Variants in ZC3H4 observed in about 807,000 individuals in gnomAD.
The protein encoded by ZC3H4 is zinc finger CCCH domain-containing protein 4.
Under a neutral mutation model 108.3 loss-of-function variants are expected in ZC3H4, and 13 were observed. That is an observed-to-expected ratio of 0.12 (90% CI 0.08 to 0.19). The LOEUF (loss-of-function observed/expected upper bound fraction) is 0.19. ZC3H4 is among the 10% of genes least tolerant of loss of function. ZC3H4 has a pLI of 1.00. For synonymous variants in ZC3H4, 917 were observed against 749.6 expected (o/e 1.22, Z -3.65); for missense variants, 1,734 against 1,838.8 (o/e 0.94, Z 1.04).
rs1427726483 is a variant in ZC3H4 at position 47,067,631 on chromosome 19, C to A, written c.2637G>T (p.Gly879=). The part of the protein sequence containing the change: ...RLTRHVEASG[G]SGPGDSGPSD... Reference sequence around the variant, plus strand: ...AGGGTCCCGAATCACCTGGGCCAGACCCGCCAGAAGCCTCCACATGGCGGG... The same window carrying A: ...AGGGTCCCGAATCACCTGGGCCAGAACCGCCAGAAGCCTCCACATGGCGGG... Residue 879 remains glycine (G), a synonymous_variant, in exon 15 of 15, where the codon GGG becomes GGT. Coordinates refer to ENST00000253048, the MANE Select transcript of ZC3H4 (RefSeq NM_015168.2). This position sits in a 1 kb window ranked among gnomAD's most constrained non-coding sequence, Gnocchi z 6.4. 1 of 1,604,976 alleles carries A rather than the reference C, an allele frequency of 6.2e-7. No homozygotes were observed. The highest frequency in any genetic ancestry group is 1.1e-5 in the South Asian group (1 of 90,496).
In ZC3H4 at chr19:47,066,210, A is replaced by C. The variant is rs2057190574; in HGVS notation, c.*146T>G. 1 of 630,078 alleles carries C rather than the reference A, an allele frequency of 1.6e-6. No individual in the cohort carries two copies. Among genetic ancestry groups the C allele is most frequent in the African/African-American group, 1.9e-5 (1 of 52,506 alleles). The allele number at this position is 630,078 out of a possible 1,614,324, so 39.0% of individuals were successfully genotyped here. A position where few individuals can be genotyped will look rare whatever the true frequency, so the allele number is the denominator to read the frequency against. On this transcript the variant is annotated 3_prime_UTR_variant, in exon 15 of 15. Coordinates refer to ENST00000253048, the MANE Select transcript of ZC3H4 (RefSeq NM_015168.2). ...TCAAAGAAAGTACTACTTTAAAAAA[A>C]AATAAAAGAGACGGAAAGCAAAAGA...
chr19:47,110,210 G>A (rs1460494654), intron 2 of ZC3H4, among the ~76,000 whole-genome samples: 2 of 152,070 alleles, frequency 1.3e-5, no homozygotes, highest in Non-Finnish European at 2.9e-5. Flanking sequence ...AATCTTTTTT[G>A]GGGAGTGGGG....
At chr19:47,100,556 G>A (rs962929129) in intron 2 of ZC3H4, among the ~76,000 whole-genome samples, 2 of 151,692 alleles carry the variant, frequency 1.3e-5, no homozygotes, top group Admixed American at 1.3e-4. Flanking sequence ...TCTACCCACT[G>A]CTGGCATCTA....
chr19:47,079,085 A>G (rs1390757843), intron 11 of ZC3H4, among the ~76,000 whole-genome samples: 1 of 146,590 alleles, frequency 6.8e-6, no homozygotes, highest in African/African-American at 2.5e-5. Context: ...GCTGGAGTGC[A>G]ATGGCACGAT....
At chr19:47,085,456 G>A in intron 6 of ZC3H4, 42 bp from the exon 7 acceptor site, 1 of 1,492,646 alleles carries the variant, frequency 6.7e-7, no homozygotes, top group East Asian at 2.3e-5. Flanking sequence ...GTCAGGTAGG[G>A]AACAATGAAC....
At chr19:47,096,458 CAT>C (rs1004938780) in intron 2 of ZC3H4, among the ~76,000 whole-genome samples, 1 of 152,366 alleles carries the variant, frequency 6.6e-6, no homozygotes, top group African/African-American at 2.4e-5. Flanking sequence ...AAAAGGGCCA[CAT>C]GACTGGGAAA....
Position 47,094,721 on chromosome 19 carries a change from T to C in ZC3H4, c.162-113A>G, listed in dbSNP as rs149078230. Reference sequence around the variant, plus strand: ...GAAGGCCTGACTGCTGTGAGCGAAGTGAGACCCTGGGAGGACATGGGGGCC... The same window carrying C: ...GAAGGCCTGACTGCTGTGAGCGAAGCGAGACCCTGGGAGGACATGGGGGCC... On this transcript the variant is annotated intron_variant, in intron 2 of 14. Coordinates refer to ENST00000253048, the MANE Select transcript of ZC3H4 (RefSeq NM_015168.2). 464 of 1,079,006 alleles carry C rather than the reference T, an allele frequency of 4.3e-4. 6 individuals are homozygous for C. In the East Asian group the frequency reaches 0.011, roughly 26 times the overall value. The allele number at this position is 1,079,006 out of a possible 1,614,324, so 66.8% of individuals were successfully genotyped here.
At chr19:47,085,553 C>A (rs956044644) in intron 6 of ZC3H4, 139 bp from the exon 7 acceptor site, 2 of 727,958 alleles carry the variant, frequency 2.7e-6, no homozygotes, top group Non-Finnish European at 4.3e-6. Context: ...CACAGCCTGA[C>A]GACAGGTGGT....
intron 4 of ZC3H4, 62 bp downstream of exon 4, chr19:47,093,908 G>GA: frequency 6.8e-7 from 1 of 1,459,956 alleles, no homozygotes; most frequent in Non-Finnish European, 9.5e-7. Flanking sequence ...AAGTGCTCAA[G>GA]AAACACAAGC....
At chr19:47,097,034 C>T (rs1008664564) in intron 2 of ZC3H4, 4 of 976,354 alleles carry the variant, frequency 4.1e-6, no homozygotes, top group Non-Finnish European at 4.9e-6. Context: ...CTAACACCTG[C>T]GGGCAGAGGA....
chr19:47,096,240 G>A (rs959960476), intron 2 of ZC3H4, among the ~76,000 whole-genome samples: 9 of 152,220 alleles, frequency 5.9e-5, no homozygotes, highest in Non-Finnish European at 8.8e-5. Context: ...ACAGAATGCA[G>A]GACACAAAAC....
At chr19:47,069,503 C>T (rs1327139304) in intron 13 of ZC3H4, among the ~76,000 whole-genome samples, 160 bp from the exon 14 acceptor site, 1 of 152,172 alleles carries the variant, frequency 6.6e-6, no homozygotes, top group Non-Finnish European at 1.5e-5. Flanking sequence ...ACAGAGCGGC[C>T]CATGGGTAGC....
At chr19:47,075,116 G>C (rs919425963) in intron 11 of ZC3H4, among the ~76,000 whole-genome samples, 1 of 152,116 alleles carries the variant, frequency 6.6e-6, no homozygotes. Context: ...AATGGTATCT[G>C]GACCCTGGAA....
Position 47,112,503 on chromosome 19 carries a change from A to C in ZC3H4, c.82T>G (p.Ser28Ala), listed in dbSNP as rs1230558260. The C allele has an allele frequency of 4.5e-6, 5 of 1,123,458 alleles. No homozygotes were observed. In the African/African-American group the frequency reaches 8.1e-5, roughly 18 times the overall value. 69.6% of individuals were successfully genotyped at this position (1,123,458 alleles called of 1,614,324 possible). ...PPSPPPPSTP[S>A]PPPCSPDARP... is the part of the protein sequence containing the mutation. Reference sequence around the variant, plus strand: ...GCGTCGGGGGAACACGGAGGAGGCGAAGGCGTTGATGGCGGCGGCGGCGAT... The same window carrying C: ...GCGTCGGGGGAACACGGAGGAGGCGCAGGCGTTGATGGCGGCGGCGGCGAT... The change falls in exon 2 of 15, where the codon TCG becomes GCG. Residue 28 changes from serine (S) to alanine (A), a missense_variant. By Grantham distance (99) the Ser-to-Ala change is moderately conservative (BLOSUM62 1). Transcript: ENST00000253048.
At chr19:47,111,344 G>T (rs2058036363) in intron 2 of ZC3H4, among the ~76,000 whole-genome samples, 1 of 152,234 alleles carries the variant, frequency 6.6e-6, no homozygotes, top group Non-Finnish European at 1.5e-5. Flanking sequence ...GCCAGCCAGA[G>T]AAGGGCGTGG....
At chr19:47,078,171 A>G (rs1000833983) in intron 11 of ZC3H4, among the ~76,000 whole-genome samples, 63 of 152,202 alleles carry the variant, frequency 4.1e-4, no homozygotes, top group African/African-American at 1.4e-3. Flanking sequence ...TATTTTTTTC[A>G]TTATTTTTTA....
intron 6 of ZC3H4, among the ~76,000 whole-genome samples, chr19:47,085,973 C>T (rs2057614101): frequency 6.6e-6 from 1 of 152,136 alleles, no homozygotes; most frequent in African/African-American, 2.4e-5. Flanking sequence ...AAGTGATTCT[C>T]CTGCCTCAGA....
At chr19:47,070,889 T>C (rs1035528765) in intron 13 of ZC3H4, among the ~76,000 whole-genome samples, 4 of 151,952 alleles carry the variant, frequency 2.6e-5, no homozygotes, top group Admixed American at 2.6e-4. Context: ...CGGCACCGTG[T>C]CCAAACCTCG....
At chr19:47,092,477 G>C (rs1371534230) in intron 4 of ZC3H4, among the ~76,000 whole-genome samples, 1 of 152,204 alleles carries the variant, frequency 6.6e-6, no homozygotes, top group East Asian at 1.9e-4. Context: ...ATGATGCTGG[G>C]TCATGGGATA....
Sources: allele counts gnomAD v4.1 joint callset (sites outside exome capture counted in the v4.1 genomes callset), GRCh38; gene constraint gnomAD v4.1.1; non-coding constraint Gnocchi (gnomAD v3.1); transcripts MANE v1.5; gene names NCBI Gene and HGNC (gene_info 2026-07-23, HGNC 2026-07-21).